The following SHISA7 variants were observed in gnomAD, a reference collection of about 807,000 sequenced individuals.
SHISA7 encodes shisa family member 7.
SHISA7 carries 6 observed loss-of-function variants against 23.9 expected under a neutral mutation model. The ratio of observed to expected loss-of-function variants is 0.25; its 90% CI spans 0.14 to 0.50. The LOEUF is 0.50. Ranked by LOEUF, SHISA7 falls within the 20% of genes least tolerant of loss-of-function variation. SHISA7 has a pLI of 0.98. For synonymous variants in SHISA7, 386 were observed against 398.3 expected, an observed-to-expected ratio of 0.97 and a Z score of 0.37; for missense variants, 671 against 801.1, an observed-to-expected ratio of 0.84 and a Z score of 1.96.
chr19:55,433,671 C>G lies in SHISA7; in HGVS notation c.1102G>C (p.Gly368Arg). ...GGCGCCAGGCCCAGCTCCTCTGGGC[C>G]GCCCCAGGCCTCCATGCGATAGCCG... ...GGGYRMEAWG[G>R]PEELGLAPAP... Residue 368 changes from glycine (G) to arginine (R), a missense_variant, in exon 4 of 4, where the codon GGC (glycine) becomes CGC (arginine). Gly to Arg is a moderately radical substitution (Grantham distance 125). Transcript: ENST00000376325. The surrounding 1 kb of genome is among the most constrained non-coding windows in gnomAD (Gnocchi z 8.4). The G allele has an allele frequency of 6.7e-7, 1 of 1,483,552 alleles. No individual in the cohort carries two copies. The highest frequency in any genetic ancestry group is 2.9e-5 in the East Asian group (1 of 34,178). The allele number at this position is 1,483,552 out of a possible 1,614,324, so 91.9% of individuals were successfully genotyped here. A position where few individuals can be genotyped will look rare whatever the true frequency, so the allele number is the denominator to read the frequency against.
intron 3 of SHISA7, among the ~76,000 whole-genome samples, chr19:55,434,770 TG>T (rs1985356446): frequency 9.0e-6 from 1 of 111,034 alleles, no homozygotes; most frequent in Admixed American, 9.5e-5. Context: ...GTGTGGTGTG[TG>T]GTGTGTGTAT....
chr19:55,442,314 T>TGCCCCCGGGGCCCTC lies in SHISA7; in HGVS notation c.535_549dup (p.Glu179_Gly183dup), dbSNP rs1985615555. On this transcript the variant is annotated inframe_insertion, in exon 1 of 4. Transcript: ENST00000376325. ...ACCCCGCACACGACGTAGGCTGTGC[T>TGCCCCCGGGGCCCTC]GCCCCCGGGGCCCTCGCCCCCGCGG... 1 of 1,512,016 alleles carries TGCCCCCGGGGCCCTC rather than the reference T, an allele frequency of 6.6e-7. No individual in the cohort carries two copies. Among genetic ancestry groups the TGCCCCCGGGGCCCTC allele is most frequent in the Non-Finnish European group, 8.8e-7 (1 of 1,136,348 alleles). 93.7% of individuals were successfully genotyped at this position (1,512,016 alleles called of 1,614,324 possible).
In SHISA7 at chr19:55,433,048, A is replaced by G; in HGVS notation, c.*108T>C. On this transcript the variant is annotated 3_prime_UTR_variant, in exon 4 of 4. Transcript: ENST00000376325. This position sits in a 1 kb window ranked among gnomAD's most constrained non-coding sequence, Gnocchi z 8.4. ...AGAAGGAGGCTTTCACTCCTGTCCA[A>G]GGGCCGATCTGGGCCCCAGGCCCCT... The G allele has an allele frequency of 4.5e-6, 6 of 1,325,260 alleles. No homozygotes were observed. Among genetic ancestry groups the G allele is most frequent in the Middle Eastern group, 2.7e-4 (1 of 3,698 alleles). 82.1% of individuals were successfully genotyped at this position (1,325,260 alleles called of 1,614,324 possible).
chr19:55,432,819 T>C lies in SHISA7; in HGVS notation c.*337A>G. The C allele has an allele frequency of 3.7e-6, 1 of 273,230 alleles. No individual in the cohort carries two copies. The highest frequency in any genetic ancestry group is 6.9e-6 in the Non-Finnish European group (1 of 144,024). 16.9% of individuals were successfully genotyped at this position (273,230 alleles called of 1,614,324 possible). A position where few individuals can be genotyped will look rare whatever the true frequency, so the allele number is the denominator to read the frequency against. On this transcript the variant is annotated 3_prime_UTR_variant, in exon 4 of 4. Transcript: ENST00000376325. The surrounding 1 kb of genome is among the most constrained non-coding windows in gnomAD (Gnocchi z 4.6). ...AGAACATGGACATGGCCTCCAGCGC[T>C]GACCTCACGGGCCGGCCTCTTCCTC...
chr19:55,437,517 G>C, intron 3 of SHISA7, 88 bp downstream of exon 3: 1 of 1,424,382 alleles, frequency 7.0e-7, no homozygotes, highest in Admixed American at 2.6e-5. Context: ...CCATTGGAAG[G>C]CTCTTGGGCC....
chr19:55,433,338 G>A lies in SHISA7; in HGVS notation c.1435C>T (p.His479Tyr), dbSNP rs1165396466. Residue 479 changes from histidine (H) to tyrosine (Y), a missense_variant, in exon 4 of 4, where the codon CAC becomes TAC. His to Tyr is a moderately conservative substitution (Grantham distance 83). Transcript: ENST00000376325. This position sits in a 1 kb window ranked among gnomAD's most constrained non-coding sequence, Gnocchi z 8.4. The part of the protein sequence containing the change: ...PPPSSLHAHH[H>Y]HALHGSPQPA... ...TGCGGCGAGCCGTGCAGGGCGTGGT[G>A]GTGGTGGGCGTGCAGGCTGGACGGT... The A allele has an allele frequency of 1.7e-5, 24 of 1,417,108 alleles. No homozygotes were observed. The highest frequency in any genetic ancestry group is 1.6e-5 in the Non-Finnish European group (18 of 1,097,106). 87.8% of individuals were successfully genotyped at this position (1,417,108 alleles called of 1,614,324 possible).
Position 55,442,174 on chromosome 19 carries a change from C to G in SHISA7, c.671+19G>C, listed in dbSNP as rs1200223674. 3.3e-6 allele frequency: 5 copies of G among 1,526,388 alleles called. No individual in the cohort carries two copies. Among genetic ancestry groups the G allele is most frequent in the Non-Finnish European group, 4.4e-6 (5 of 1,141,552 alleles). 94.6% of individuals were successfully genotyped at this position (1,526,388 alleles called of 1,614,324 possible). A position where few individuals can be genotyped will look rare whatever the true frequency, so the allele number is the denominator to read the frequency against. On this transcript the variant is annotated intron_variant, in intron 1 of 3. Transcript: ENST00000376325. ...CCCCGCCCCAGGCTCGCAGTCCTCC[C>G]GCCCGAGAGCACACGCACCTGGGCA...
Position 55,437,749 on chromosome 19 carries a change from G to A in SHISA7, c.832C>T (p.Arg278Ter), listed in dbSNP as rs1282215462. ...NTVKTPNLDW[R>*]ALPPPSPSLH... ...GAGGGGCTGGGCGGCGGCAAGGCTC[G>A]CCAGTCTGGGTTAGAGGGGGCAGGG... Residue 278 changes from arginine (R) to a stop codon, truncating the protein, a stop_gained, in exon 3 of 4, where the codon CGA becomes TGA. Transcript: ENST00000376325. LOFTEE classifies it high-confidence loss of function. 1 of 1,550,066 alleles carries A rather than the reference G, an allele frequency of 6.5e-7. No individual in the cohort carries two copies. The highest frequency in any genetic ancestry group is 8.7e-7 in the Non-Finnish European group (1 of 1,146,372).
Position 55,442,693 on chromosome 19 carries a change from G to A in SHISA7, c.171C>T (p.Gly57=). 9.7e-7 allele frequency: 1 copy of A among 1,031,648 alleles called. No individual in the cohort carries two copies. Among genetic ancestry groups the A allele is most frequent in the Non-Finnish European group, 1.2e-6 (1 of 861,884 alleles). 63.9% of individuals were successfully genotyped at this position (1,031,648 alleles called of 1,614,324 possible). Residue 57 remains glycine (G), a synonymous_variant, in exon 1 of 4, where the codon GGC becomes GGT. Transcript: ENST00000376325. The stretch of plus-strand genomic sequence containing the variant: ...CGGGGCCGGTCCTGGTGCCGTTGGC[G>A]CCTGGGCTCGCCGCGCCCCCGCCGC... The part of the protein sequence containing the change: ...LTGGGGAASP[G]ANGTRTGPAG...
intron 2 of SHISA7, chr19:55,438,428 A>G: frequency 2.6e-6 from 2 of 762,706 alleles, no homozygotes; most frequent in East Asian, 6.6e-5. Flanking sequence ...TGGCCAGACC[A>G]TGAGCGCCAT....
At chr19:55,434,364 G>T (rs1308082661) in intron 3 of SHISA7, among the ~76,000 whole-genome samples, 1 of 137,748 alleles carries the variant, frequency 7.3e-6, no homozygotes, top group Non-Finnish European at 1.6e-5. Context: ...TATGTGGTGT[G>T]TGTGTGTGGT....
rs2123341263 is a variant in SHISA7 at position 55,431,060 on chromosome 19, TG to T, written c.*2095del. Reference sequence around the variant, plus strand: ...CAGGGTTATGGTGGATCCTAGTGGATGGTGACAGCATTGGCTCTCGTGGATC... The same window carrying T: ...CAGGGTTATGGTGGATCCTAGTGGATGTGACAGCATTGGCTCTCGTGGATC... On this transcript the variant is annotated 3_prime_UTR_variant, in exon 4 of 4. Coordinates refer to ENST00000376325, the MANE Select transcript of SHISA7 (RefSeq NM_001145176.2). The T allele has an allele frequency of 6.6e-6, 1 of 152,332 alleles. No homozygotes were observed. Among genetic ancestry groups the T allele is most frequent in the South Asian group, 2.1e-4 (1 of 4,820 alleles). The allele number at this position is 152,332 out of a possible 1,614,324, so 9.4% of individuals were successfully genotyped here.
chr19:55,433,403 C>G lies in SHISA7; in HGVS notation c.1370G>C (p.Gly457Ala). ...CAGCGGTGTTGGGGGCCCCCCGGGC[C>G]CCAGCAGCAGGTTGGAGTGCGAGGC... ...LAASHSNLLL[G>A]PGGPPTPLRG... is the part of the protein sequence containing the mutation. The change falls in exon 4 of 4, where the codon GGG becomes GCG. Residue 457 changes from glycine (G) to alanine (A), a missense_variant. Around this residue, in one of 5 missense-constraint regions of SHISA7, gnomAD observed 457 missense variants for 488.3 expected, o/e 0.94. Coordinates refer to ENST00000376325, the MANE Select transcript of SHISA7 (RefSeq NM_001145176.2). This position sits in a 1 kb window ranked among gnomAD's most constrained non-coding sequence, Gnocchi z 8.4. The G allele has an allele frequency of 7.5e-7, 1 of 1,325,688 alleles. No individual in the cohort carries two copies. The highest frequency in any genetic ancestry group is 9.6e-7 in the Non-Finnish European group (1 of 1,046,340). The allele number at this position is 1,325,688 out of a possible 1,614,324, so 82.1% of individuals were successfully genotyped here.
chr19:55,442,909 C>T lies in SHISA7; in HGVS notation c.-46G>A. Reference sequence around the variant, plus strand: ...CTGGGCCGCCAGGCTGCGGGGAGAACGAGAGCAGAGGTTGGAGCGCTGGGC... The same window carrying T: ...CTGGGCCGCCAGGCTGCGGGGAGAATGAGAGCAGAGGTTGGAGCGCTGGGC... On this transcript the variant is annotated 5_prime_UTR_variant, in exon 1 of 4. Transcript: ENST00000376325. The T allele has an allele frequency of 1.7e-6, 2 of 1,146,000 alleles. No individual in the cohort carries two copies. Among genetic ancestry groups the T allele is most frequent in the South Asian group, 2.2e-5 (1 of 44,924 alleles). The allele number at this position is 1,146,000 out of a possible 1,614,324, so 71.0% of individuals were successfully genotyped here. A position where few individuals can be genotyped will look rare whatever the true frequency, so the allele number is the denominator to read the frequency against.
intron 2 of SHISA7, among the ~76,000 whole-genome samples, chr19:55,440,211 C>G (rs1490314871): frequency 2.0e-5 from 3 of 152,166 alleles, no homozygotes; most frequent in Non-Finnish European, 4.4e-5. Context: ...GGTGAGGTCA[C>G]TTGCCCCAGG....
Position 55,433,434 on chromosome 19 carries a change from G to T in SHISA7, c.1339C>A (p.Leu447Met). ...AGCAGGTTGGAGTGCGAGGCGGCCA[G>T]GCTGGCCCGGGCGGTGGGGTCGGGG... ...LPPDPTARASLAASHSNLLLG... is the reference protein window; with the variant it reads ...LPPDPTARASMAASHSNLLLG... Residue 447 changes from leucine (L) to methionine (M), a missense_variant, in exon 4 of 4, where the codon CTG becomes ATG. Leu to Met is a conservative substitution (Grantham distance 15). Transcript: ENST00000376325. The surrounding 1 kb of genome is among the most constrained non-coding windows in gnomAD (Gnocchi z 8.4). 3 of 1,331,172 alleles carry T rather than the reference G, an allele frequency of 2.3e-6. No homozygotes were observed. Among genetic ancestry groups the T allele is most frequent in the Non-Finnish European group, 2.9e-6 (3 of 1,049,026 alleles). The allele number at this position is 1,331,172 out of a possible 1,614,324, so 82.5% of individuals were successfully genotyped here.
rs1334230722 is a variant in SHISA7, at chr19:55,432,306, G to A, written c.*850C>T. On this transcript the variant is annotated 3_prime_UTR_variant, in exon 4 of 4. Coordinates refer to ENST00000376325, the MANE Select transcript of SHISA7 (RefSeq NM_001145176.2). This position sits in a 1 kb window ranked among gnomAD's most constrained non-coding sequence, Gnocchi z 4.6. ...GGAGGCATCTCTTTGTGCCATCTCA[G>A]AGCACATAGCATCTGGGCGACATCA... 1.3e-5 allele frequency: 2 copies of A among 152,730 alleles called. No individual in the cohort carries two copies. The highest frequency in any genetic ancestry group is 2.9e-5 in the Non-Finnish European group (2 of 68,108). 9.5% of individuals were successfully genotyped at this position (152,730 alleles called of 1,614,324 possible).
intron 3 of SHISA7, 29 bp downstream of exon 3, chr19:55,437,576 A>C (rs190124024): frequency 1.9e-6 from 3 of 1,544,642 alleles, no homozygotes; most frequent in African/African-American, 2.7e-5. Flanking sequence ...CCTCCCCTTC[A>C]CCGCCGCGCT....
intron 1 of SHISA7, among the ~76,000 whole-genome samples, chr19:55,441,410 C>T (rs1348276269): frequency 6.6e-6 from 1 of 152,176 alleles, no homozygotes; most frequent in African/African-American, 2.4e-5. Flanking sequence ...TAAACCCGGG[C>T]CCGCCTACTT....
Sources: gnomAD v4.1 joint callset for allele counts (sites outside exome capture counted in the v4.1 genomes callset) on GRCh38, gnomAD v4.1.1 for gene constraint, gnomAD v4.1.1 regional missense constraint, Gnocchi (gnomAD v3.1) non-coding constraint, MANE v1.5 for transcripts, NCBI Gene and HGNC (gene_info 2026-07-23, HGNC 2026-07-21) for gene names.